SPRY1: variants seen among roughly 807,000 people sequenced by gnomAD.
SPRY1 encodes sprouty RTK signaling antagonist 1.
SPRY1 carries 20 observed loss-of-function variants against 22.6 expected under a neutral mutation model. The observed-to-expected ratio is 0.89, with a 90% confidence interval of 0.62 to 1.29. SPRY1 has a LOEUF of 1.29. SPRY1 is among the 50% of genes most tolerant of loss of function. The probability of loss-of-function intolerance (pLI) is 0.00; values close to 1 mark genes in which losing one functional copy is unlikely to be tolerated. For synonymous variants in SPRY1, 155 were observed against 144.7 expected (o/e 1.07, Z -0.51); for missense variants, 446 against 387.7 (o/e 1.15, Z -1.26).
chr4:123,402,481 G>A lies in SPRY1; in HGVS notation c.890G>A (p.Cys297Tyr), dbSNP rs1725214021. The A allele has an allele frequency of 6.2e-7, 1 of 1,614,194 alleles. No homozygotes were observed. The highest frequency in any genetic ancestry group is 8.5e-7 in the Non-Finnish European group (1 of 1,180,026). The change falls in exon 3 of 3, where the codon TGT becomes TAT. Residue 297 changes from cysteine to tyrosine, a missense_variant. Cys to Tyr is a radical substitution (Grantham distance 194). Coordinates refer to ENST00000651917, the MANE Select transcript of SPRY1 (RefSeq NM_001258038.2). Reference protein sequence around the residue: ...YDWIHRPGCRCKNSNTVYCKL... With the variant: ...YDWIHRPGCRYKNSNTVYCKL... ...TGGATCCATCGCCCAGGGTGCAGAT[G>A]TAAGAACTCCAACACTGTCTATTGT... is the stretch of plus-strand genomic sequence containing the variant.
Position 123,402,710 on chromosome 4 carries a change from A to T in SPRY1, c.*159A>T. On this transcript the variant is annotated 3_prime_UTR_variant, in exon 3 of 3. Coordinates refer to ENST00000651917, the MANE Select transcript of SPRY1 (RefSeq NM_001258038.2). ...AACTCATGGATTTTTCTCTTTCCTCATGGATGATCTTCAGCAAGAGTGGAC... is the reference window on the plus strand; with the variant it reads ...AACTCATGGATTTTTCTCTTTCCTCTTGGATGATCTTCAGCAAGAGTGGAC... 3 of 938,476 alleles carry T rather than the reference A, an allele frequency of 3.2e-6. No homozygotes were observed. Among genetic ancestry groups the T allele is most frequent in the Non-Finnish European group, 4.7e-6 (3 of 637,428 alleles). The allele number at this position is 938,476 out of a possible 1,614,324, so 58.1% of individuals were successfully genotyped here. A position where few individuals can be genotyped will look rare whatever the true frequency, so the allele number is the denominator to read the frequency against.
chr4:123,401,629 T>C lies in SPRY1; in HGVS notation c.38T>C (p.Leu13Ser). 1 of 1,614,162 alleles carries C rather than the reference T, an allele frequency of 6.2e-7. No individual in the cohort carries two copies. Among genetic ancestry groups the C allele is most frequent in the Non-Finnish European group, 8.5e-7 (1 of 1,180,036 alleles). The part of the protein sequence containing the change: ...PQNQHGSGSS[L>S]VVIQQPSLDS... ...AATCAACATGGCAGTGGCAGTTCGT[T>C]AGTTGTGATCCAGCAGCCTTCTTTG... The change falls in exon 3 of 3, where the codon TTA becomes TCA. Residue 13 changes from leucine to serine, a missense_variant. Transcript: ENST00000651917.
intron 2 of SPRY1, chr4:123,398,161 C>T (rs1322806580): frequency 6.6e-6 from 1 of 152,366 alleles, no homozygotes; most frequent in Non-Finnish European, 1.5e-5. Flanking sequence ...TTTTCTGAGA[C>T]TTGGGAAGCC....
rs762040198 is a variant in SPRY1, at chr4:123,401,901, A to G, written c.310A>G (p.Ser104Gly). The G allele has an allele frequency of 4.3e-6, 7 of 1,614,214 alleles. No homozygotes were observed. Among genetic ancestry groups the G allele is most frequent in the East Asian group, 4.5e-5 (2 of 44,880 alleles). The change falls in exon 3 of 3, where the codon AGT becomes GGT. Residue 104 changes from serine (S) to glycine (G), a missense_variant. Coordinates refer to ENST00000651917, the MANE Select transcript of SPRY1 (RefSeq NM_001258038.2). ...CCACCTGGGACATGCAGTACTCCCA[A>G]GTAATGCCAGGGGCCCCATTTTGAG... ...TSHLGHAVLP[S>G]NARGPILSRS...
intron 2 of SPRY1, among the ~76,000 whole-genome samples, chr4:123,398,732 G>A (rs1009510690): frequency 1.3e-5 from 2 of 152,150 alleles, no homozygotes; most frequent in Non-Finnish European, 2.9e-5. Flanking sequence ...GGGTGGCGGG[G>A]TGGGCGACGG....
intron 2 of SPRY1, chr4:123,400,035 A>G (rs1725085876): frequency 6.6e-6 from 1 of 152,222 alleles, no homozygotes; most frequent in Non-Finnish European, 1.5e-5. Context: ...TATGGGTTAC[A>G]CTATTCAAAT....
rs762804313 is a variant in SPRY1 at position 123,402,534 on chromosome 4, C to T, written c.943C>T (p.Gln315Ter). Residue 315 changes from glutamine (Q) to a stop codon, truncating the protein, a stop_gained, in exon 3 of 3, where the codon CAG (glutamine) becomes TAG (stop). Coordinates refer to ENST00000651917, the MANE Select transcript of SPRY1 (RefSeq NM_001258038.2). LOFTEE classifies it high-confidence loss of function. ...GCTGGAGAGCTGCCCCTCCCGGGGTCAGGGTAAACCATCATGATTTTTGGA... is the reference window on the plus strand; with the variant it reads ...GCTGGAGAGCTGCCCCTCCCGGGGTTAGGGTAAACCATCATGATTTTTGGA... ...CKLESCPSRG[Q>*]GKPS is the part of the protein sequence containing the mutation. 3 of 1,603,774 alleles carry T rather than the reference C, an allele frequency of 1.9e-6. No homozygotes were observed. Among genetic ancestry groups the T allele is most frequent in the Non-Finnish European group, 2.6e-6 (3 of 1,172,468 alleles).
In SPRY1 at chr4:123,401,652, T is replaced by TG; in HGVS notation, c.61_62insG (p.Leu21CysfsTer3). 1 of 1,614,168 alleles carries TG rather than the reference T, an allele frequency of 6.2e-7. No homozygotes were observed. ...GTTAGTTGTGATCCAGCAGCCTTCT[T>TG]TGGATAGCCGTCAGAGATTAGACTA... On this transcript the variant is annotated frameshift_variant, in exon 3 of 3. Transcript: ENST00000651917. LOFTEE classifies it high-confidence loss of function.
intron 2 of SPRY1, among the ~76,000 whole-genome samples, chr4:123,401,149 C>G (rs563586624): frequency 6.6e-6 from 1 of 152,276 alleles, no homozygotes; most frequent in South Asian, 2.1e-4. Flanking sequence ...TGGAAGCCAC[C>G]TATGAACTGA....
At chr4:123,399,252 T>G (rs1725049321) in intron 2 of SPRY1, among the ~76,000 whole-genome samples, 1 of 152,138 alleles carries the variant, frequency 6.6e-6, no homozygotes, top group Admixed American at 6.5e-5. Flanking sequence ...GACGCGCGAC[T>G]GTAGTCACAG....
chr4:123,401,110 A>G (rs999202983), intron 2 of SPRY1, among the ~76,000 whole-genome samples: 3 of 152,114 alleles, frequency 2.0e-5, no homozygotes, highest in Admixed American at 6.5e-5. Context: ...GCCATTCTCA[A>G]TTTCTTAAAA....
intron 1 of SPRY1, among the ~76,000 whole-genome samples, 160 bp downstream of exon 1, chr4:123,397,092 G>T (rs1724942763): frequency 6.6e-6 from 1 of 152,160 alleles, no homozygotes; most frequent in African/African-American, 2.4e-5. Flanking sequence ...TAAAACTAAT[G>T]CTCTTAAAGT....
chr4:123,401,839 T>G lies in SPRY1; in HGVS notation c.248T>G (p.Ile83Ser). The G allele has an allele frequency of 6.2e-7, 1 of 1,614,120 alleles. No individual in the cohort carries two copies. Among genetic ancestry groups the G allele is most frequent in the Admixed American group, 1.7e-5 (1 of 60,010 alleles). Reference protein sequence around the residue: ...KHERTHEIIPINVNNNYEHRH... With the variant: ...KHERTHEIIPSNVNNNYEHRH... ...GAAAGGACTCATGAAATCATACCAA[T>G]TAATGTGAATAATAACTACGAGCAC... The change falls in exon 3 of 3, where the codon ATT becomes AGT. Residue 83 changes from isoleucine (I) to serine (S), a missense_variant. Transcript: ENST00000651917.
chr4:123,399,004 C>G (rs913273677), intron 2 of SPRY1, among the ~76,000 whole-genome samples: 7 of 152,146 alleles, frequency 4.6e-5, no homozygotes, highest in Non-Finnish European at 8.8e-5. Context: ...TTAGGCAGCC[C>G]CAAAGCCAGC....
rs772531944 is a variant in SPRY1 at position 123,401,704 on chromosome 4, T to G, written c.113T>G (p.Ile38Ser). The G allele has an allele frequency of 5.6e-6, 9 of 1,614,048 alleles. No homozygotes were observed. Residue 38 changes from isoleucine to serine, a missense_variant, in exon 3 of 3, where the codon ATT becomes AGT. Physicochemically the swap from Ile to Ser is moderately radical, Grantham distance 142. Coordinates refer to ENST00000651917, the MANE Select transcript of SPRY1 (RefSeq NM_001258038.2). ...GAGAGAGAGATTCAGCCTACTGCTA[T>G]TTTGTCCTTAGACCAGATCAAGGCC... is the stretch of plus-strand genomic sequence containing the variant. ...DYEREIQPTA[I>S]LSLDQIKAIR...
In SPRY1 at chr4:123,401,906, T is replaced by A; in HGVS notation, c.315T>A (p.Asn105Lys). ...TGGGACATGCAGTACTCCCAAGTAA[T>A]GCCAGGGGCCCCATTTTGAGCAGAT... ...SHLGHAVLPS[N>K]ARGPILSRST... is the part of the protein sequence containing the mutation. Residue 105 changes from asparagine to lysine, a missense_variant, in exon 3 of 3, where the codon AAT (asparagine) becomes AAA (lysine). Transcript: ENST00000651917. 1 of 1,614,192 alleles carries A rather than the reference T, an allele frequency of 6.2e-7. No homozygotes were observed. Among genetic ancestry groups the A allele is most frequent in the South Asian group, 1.1e-5 (1 of 91,080 alleles).
At position 123,402,089 on chromosome 4, in the gene SPRY1, G is replaced by C. The variant is rs920304696; in HGVS notation, c.498G>C (p.Leu166Phe). The C allele has an allele frequency of 6.2e-7, 1 of 1,614,204 alleles. No individual in the cohort carries two copies. The highest frequency in any genetic ancestry group is 2.2e-5 in the East Asian group (1 of 44,882). ...CCAAGCAACTGATTGTGGATGACTT[G>C]AAGGGTTCCTTGAAAGAGGACCTGA... The part of the protein sequence containing the change: ...TQPKQLIVDD[L>F]KGSLKEDLTQ... The change falls in exon 3 of 3, where the codon TTG becomes TTC. Residue 166 changes from leucine to phenylalanine, a missense_variant. Leu to Phe is a conservative substitution (Grantham distance 22). Coordinates refer to ENST00000651917, the MANE Select transcript of SPRY1 (RefSeq NM_001258038.2).
Position 123,402,606 on chromosome 4 carries a change from T to C in SPRY1, c.*55T>C. 6.7e-7 allele frequency: 1 copy of C among 1,500,042 alleles called. No individual in the cohort carries two copies. The highest frequency in any genetic ancestry group is 8.9e-7 in the Non-Finnish European group (1 of 1,123,380). 92.9% of individuals were successfully genotyped at this position (1,500,042 alleles called of 1,614,324 possible). A position where few individuals can be genotyped will look rare whatever the true frequency, so the allele number is the denominator to read the frequency against. On this transcript the variant is annotated 3_prime_UTR_variant, in exon 3 of 3. Transcript: ENST00000651917. ...TTTTAGCTTTCAAGTTGTGGCTGTT[T>C]TTTGTTTTTGTTTTTGTTTTTGTTT...
intron 2 of SPRY1, among the ~76,000 whole-genome samples, chr4:123,398,691 T>A (rs1725018452): frequency 6.6e-6 from 1 of 151,500 alleles, no homozygotes. Flanking sequence ...CCCTGCCCCC[T>A]GGGGGCCGCG....
Sources: gnomAD v4.1 joint callset for allele counts (sites outside exome capture counted in the v4.1 genomes callset) on GRCh38, gnomAD v4.1.1 for gene constraint, MANE v1.5 for transcripts, NCBI Gene and HGNC (gene_info 2026-07-23, HGNC 2026-07-21) for gene names.